Variants in GALM observed in about 807,000 individuals in gnomAD.
GALM encodes the protein galactose mutarotase, also known as aldose 1-epimerase.
Under a neutral mutation model 37.4 loss-of-function variants are expected in GALM, and 43 were observed. The observed-to-expected ratio is 1.15, with a 90% CI of 0.90 to 1.48. The LOEUF is 1.48. Ranked by LOEUF, GALM falls within the 40% of genes most tolerant of loss-of-function variation. The probability of loss-of-function intolerance (pLI) is 0.00; values close to 1 mark genes in which losing one functional copy is unlikely to be tolerated. For missense variants in GALM, 456 were observed against 419.1 expected, an observed-to-expected ratio of 1.09 and a Z score of -0.77; for synonymous variants, 199 against 170.6, an observed-to-expected ratio of 1.17 and a Z score of -1.30.
In GALM at chr2:38,666,350, AG is replaced by A; in HGVS notation, c.190+1del. The A allele has an allele frequency of 6.2e-7, 1 of 1,610,034 alleles. No individual in the cohort carries two copies. Among genetic ancestry groups the A allele is most frequent in the East Asian group, 2.2e-5 (1 of 44,732 alleles). On this transcript the variant is annotated frameshift_variant and splice_region_variant, in exon 1 of 7. Transcript: ENST00000272252. LOFTEE classifies it high-confidence loss of function. ...DVVLGFAELE[G>X]YLQKQPYFGA... ...TGGTGCTTGGCTTCGCCGAGTTGGAAGGTGGGTTGAACTGTGCCCTGGGCTG... is the reference window on the plus strand; with the variant it reads ...TGGTGCTTGGCTTCGCCGAGTTGGAAGTGGGTTGAACTGTGCCCTGGGCTG...
intron 5 of GALM, among the ~76,000 whole-genome samples, chr2:38,731,018 T>C (rs1666597665): frequency 6.6e-6 from 1 of 151,496 alleles, no homozygotes; most frequent in Admixed American, 6.6e-5. Flanking sequence ...CTGAGGTCAG[T>C]AGTTCAAGAC....
chr2:38,688,857 C>G (rs1183282894), intron 3 of GALM, among the ~76,000 whole-genome samples: 1 of 152,100 alleles, frequency 6.6e-6, no homozygotes, highest in Non-Finnish European at 1.5e-5. Flanking sequence ...GCTCTTGATG[C>G]CCAGGCTGGA....
chr2:38,704,834 C>A (rs528983361), intron 4 of GALM, among the ~76,000 whole-genome samples: 1 of 152,114 alleles, frequency 6.6e-6, no homozygotes, highest in Non-Finnish European at 1.5e-5. Flanking sequence ...TGCAAAAACT[C>A]CAAGGACCTC....
intron 1 of GALM, among the ~76,000 whole-genome samples, chr2:38,667,816 G>GACA (rs1664988652): frequency 6.6e-6 from 1 of 152,058 alleles, no homozygotes; most frequent in Admixed American, 6.6e-5. Flanking sequence ...CAGCCTGGGC[G>GACA]ACAGAGTGAG....
At chr2:38,686,257 T>TTTCTTTC (rs1665523478) in intron 3 of GALM, among the ~76,000 whole-genome samples, 12 of 124,670 alleles carry the variant, frequency 9.6e-5, no homozygotes, top group African/African-American at 4.6e-4. Context: ...TCTTTCTTTC[T>TTTCTTTC]TTCTTTCTTT....
chr2:38,685,571 G>T (rs1256642590), intron 3 of GALM, among the ~76,000 whole-genome samples: 1 of 152,132 alleles, frequency 6.6e-6, no homozygotes, highest in Non-Finnish European at 1.5e-5. Context: ...GGGCCTCAAG[G>T]TCTGTTTGTG....
intron 1 of GALM, among the ~76,000 whole-genome samples, chr2:38,675,546 TGTGTGTGTGTGTGTGTGTG>T (rs1665236742): frequency 7.4e-5 from 5 of 67,852 alleles, no homozygotes; most frequent in African/African-American, 3.1e-4. Flanking sequence ...TTTTTTTTTG[TGTGTGTGTGTGTGTGTGTG>T]TGTGTGTGTG....
At chr2:38,700,483 T>C (rs1329449786) in intron 4 of GALM, among the ~76,000 whole-genome samples, 3 of 140,122 alleles carry the variant, frequency 2.1e-5, no homozygotes, top group Non-Finnish European at 4.9e-5. Flanking sequence ...CATTATATAA[T>C]AACCTTTTTC....
chr2:38,712,325 C>T (rs1666187815), intron 4 of GALM, among the ~76,000 whole-genome samples: 1 of 152,212 alleles, frequency 6.6e-6, no homozygotes, highest in African/African-American at 2.4e-5. Context: ...TGCATATCTC[C>T]TGAAGCTCCC....
At chr2:38,698,497 A>AT (rs1001618638) in intron 4 of GALM, 1 of 846,536 alleles carries the variant, frequency 1.2e-6, no homozygotes, top group African/African-American at 1.8e-5. Flanking sequence ...CTTCAGAGCA[A>AT]TTATTCTTAG....
chr2:38,726,853 G>A (rs1337443641), intron 4 of GALM, among the ~76,000 whole-genome samples: 1 of 151,474 alleles, frequency 6.6e-6, no homozygotes, highest in African/African-American at 2.4e-5. Flanking sequence ...CCGAGATCAC[G>A]CCACTGCACT....
At chr2:38,685,965 G>A (rs992438243) in intron 3 of GALM, among the ~76,000 whole-genome samples, 2 of 151,768 alleles carry the variant, frequency 1.3e-5, no homozygotes, top group Admixed American at 6.6e-5. Context: ...CGCCCATCTC[G>A]GCCTCCCAAA....
intron 1 of GALM, among the ~76,000 whole-genome samples, chr2:38,675,526 GTTTTT>G (rs869119386): frequency 4.4e-4 from 33 of 74,620 alleles, no homozygotes; most frequent in African/African-American, 1.7e-3. Flanking sequence ...GGGTTTTTTT[GTTTTT>G]TTTTTTTTTT....
intron 4 of GALM, among the ~76,000 whole-genome samples, chr2:38,717,645 G>A (rs931830059): frequency 1.3e-5 from 2 of 151,040 alleles, no homozygotes; most frequent in African/African-American, 4.9e-5. Context: ...AGTGATCCCC[G>A]CTGCCTCAGC....
chr2:38,708,102 G>A (rs1348211476), intron 4 of GALM, among the ~76,000 whole-genome samples: 8 of 106,022 alleles, frequency 7.5e-5, no homozygotes, highest in Non-Finnish European at 1.4e-4. Flanking sequence ...GTGAGAAACT[G>A]TATCAAAATT....
intron 4 of GALM, among the ~76,000 whole-genome samples, chr2:38,697,950 GTT>G (rs573166933): frequency 6.9e-6 from 1 of 144,246 alleles, no homozygotes. Context: ...GGGTTTTGGG[GTT>G]TTTTTTTTTT....
At chr2:38,714,888 T>C (rs1666239484) in intron 4 of GALM, among the ~76,000 whole-genome samples, 1 of 152,186 alleles carries the variant, frequency 6.6e-6, no homozygotes, top group African/African-American at 2.4e-5. Flanking sequence ...GTCTATAGTA[T>C]AGTTTACCTG....
At chr2:38,720,354 C>CAAAAGT (rs1210595426) in intron 4 of GALM, among the ~76,000 whole-genome samples, 1 of 147,578 alleles carries the variant, frequency 6.8e-6, no homozygotes, top group African/African-American at 2.5e-5. Context: ...TTTCCCCATC[C>CAAAAGT]AAAAGTAATT....
intron 4 of GALM, among the ~76,000 whole-genome samples, chr2:38,726,948 G>C: frequency 6.6e-6 from 1 of 151,704 alleles, no homozygotes; most frequent in Non-Finnish European, 1.5e-5. Context: ...AATTTGGCCA[G>C]ATCACACCTG....
Sources: gnomAD v4.1 joint callset for allele counts (sites outside exome capture counted in the v4.1 genomes callset) on GRCh38, gnomAD v4.1.1 for gene constraint, MANE v1.5 for transcripts, NCBI Gene and HGNC (gene_info 2026-07-23, HGNC 2026-07-21) for gene names.